Variants in CNBD1 observed in about 807,000 individuals in gnomAD.
The protein encoded by CNBD1 is cyclic nucleotide-binding domain-containing protein 1.
CNBD1 carries 71 observed loss-of-function variants against 54.4 expected under a neutral mutation model. That is an observed-to-expected ratio of 1.30 (90% CI 1.08 to 1.59). The LOEUF is 1.59. Among genes scored for constraint, CNBD1 ranks in the 40% most tolerant of loss-of-function variants. The pLI is 0.00. For missense variants in CNBD1, 659 were observed against 518.0 expected, an observed-to-expected ratio of 1.27 and a Z score of -2.64; for synonymous variants, 182 against 170.7, an observed-to-expected ratio of 1.07 and a Z score of -0.51.
chr8:86,875,014 ATATATATG>A (rs1208553372), intron 1 of CNBD1, among the ~76,000 whole-genome samples: 2 of 109,032 alleles, frequency 1.8e-5, no homozygotes, highest in African/African-American at 3.0e-5. Context: ...ATATATATAT[ATATATATG>A]TATTAAAAAT....
At chr8:87,424,172 C>G (rs1193094073) in intron 2 of CNBD1, among the ~76,000 whole-genome samples, 1 of 151,390 alleles carries the variant, frequency 6.6e-6, no homozygotes, top group Non-Finnish European at 1.5e-5. Flanking sequence ...TCCCTTTTTT[C>G]TTTATTAGTC....
At chr8:87,053,507 C>T (rs1810353467) in intron 4 of CNBD1, among the ~76,000 whole-genome samples, 1 of 152,152 alleles carries the variant, frequency 6.6e-6, no homozygotes, top group Non-Finnish European at 1.5e-5. Flanking sequence ...TTTGGAGTGA[C>T]CCAGCATGGA....
chr8:86,968,354 A>C (rs988032677), intron 4 of CNBD1, among the ~76,000 whole-genome samples: 1 of 152,156 alleles, frequency 6.6e-6, no homozygotes, highest in Non-Finnish European at 1.5e-5. Flanking sequence ...AATTGCCCCC[A>C]CCCTTGCTCA....
At chr8:87,179,657 T>A (rs1813269605) in intron 4 of CNBD1, among the ~76,000 whole-genome samples, 1 of 152,190 alleles carries the variant, frequency 6.6e-6, no homozygotes. Context: ...AAGGGTTTTA[T>A]TAAAGTTTAA....
chr8:87,424,280 T>C (rs1417957521), intron 2 of CNBD1, among the ~76,000 whole-genome samples: 1 of 152,014 alleles, frequency 6.6e-6, no homozygotes, highest in Non-Finnish European at 1.5e-5. Flanking sequence ...TTTCCTTCAG[T>C]TCTGCTCTGA....
intron 8 of CNBD1, among the ~76,000 whole-genome samples, chr8:87,346,277 G>A (rs1810175035): frequency 6.6e-6 from 1 of 152,004 alleles, no homozygotes; most frequent in Non-Finnish European, 1.5e-5. Context: ...CCGACCTCCA[G>A]GTGATCCGCC....
At chr8:87,122,763 A>T (rs1203306284) in intron 4 of CNBD1, among the ~76,000 whole-genome samples, 2 of 151,826 alleles carry the variant, frequency 1.3e-5, no homozygotes, top group South Asian at 2.1e-4. Context: ...GTCCAATTTC[A>T]TTCCTTTGCA....
At chr8:87,389,948 T>G (rs944182816) in intron 2 of CNBD1, among the ~76,000 whole-genome samples, 1 of 151,974 alleles carries the variant, frequency 6.6e-6, no homozygotes, top group African/African-American at 2.4e-5. Context: ...ATGCCACATA[T>G]CTACAACAAT....
chr8:87,309,012 T>C (rs1319301494), intron 8 of CNBD1, among the ~76,000 whole-genome samples: 1 of 152,162 alleles, frequency 6.6e-6, no homozygotes, highest in African/African-American at 2.4e-5. Flanking sequence ...TTACATAGAT[T>C]CCATAACTTG....
intron 2 of CNBD1, among the ~76,000 whole-genome samples, chr8:87,418,004 A>G (rs921270869): frequency 1.3e-5 from 2 of 151,980 alleles, no homozygotes; most frequent in South Asian, 2.1e-4. Flanking sequence ...ATTTGCCATA[A>G]TTCCTATTAA....
chr8:86,883,145 A>G (rs1808628824), intron 1 of CNBD1, among the ~76,000 whole-genome samples: 1 of 151,952 alleles, frequency 6.6e-6, no homozygotes, highest in African/African-American at 2.4e-5. Flanking sequence ...TATATAACAA[A>G]ACTGCACAAC....
At chr8:87,084,104 A>C (rs1811052546) in intron 4 of CNBD1, among the ~76,000 whole-genome samples, 1 of 152,190 alleles carries the variant, frequency 6.6e-6, no homozygotes, top group South Asian at 2.1e-4. Flanking sequence ...GGATTACAAC[A>C]GTATATTTCC....
chr8:86,994,103 G>T (rs535131129), intron 4 of CNBD1, among the ~76,000 whole-genome samples: 4 of 152,174 alleles, frequency 2.6e-5, no homozygotes, highest in Non-Finnish European at 5.9e-5. Context: ...TACTCTGACA[G>T]TGGAGGCTCC....
intron 8 of CNBD1, among the ~76,000 whole-genome samples, chr8:87,321,316 T>G (rs1809522757): frequency 6.6e-6 from 1 of 152,232 alleles, no homozygotes; most frequent in African/African-American, 2.4e-5. Flanking sequence ...GAGTTTCAAT[T>G]TCAACATGTC....
intron 1 of CNBD1, among the ~76,000 whole-genome samples, chr8:86,882,196 G>A (rs1198595210): frequency 6.6e-6 from 1 of 152,166 alleles, no homozygotes; most frequent in Non-Finnish European, 1.5e-5. Flanking sequence ...TTAAACTAGA[G>A]TTTCTTCACA....
intron 6 of CNBD1, among the ~76,000 whole-genome samples, chr8:87,283,791 C>T (rs957408558): frequency 6.6e-6 from 1 of 152,056 alleles, no homozygotes; most frequent in African/African-American, 2.4e-5. Flanking sequence ...CTCTGAGTCC[C>T]ATCTCCTGTT....
intron 4 of CNBD1, among the ~76,000 whole-genome samples, chr8:87,043,414 T>G (rs1223052785): frequency 6.6e-6 from 1 of 152,232 alleles, no homozygotes; most frequent in Admixed American, 6.5e-5. Context: ...TCTCCTTATA[T>G]TTTGCTATGT....
At position 87,166,939 on chromosome 8, in the gene CNBD1, C is replaced by T. The variant is rs1188540042; in HGVS notation, c.432-39054C>T. On this transcript the variant is annotated intron_variant, in intron 4 of 10. Coordinates refer to ENST00000518476, the MANE Select transcript of CNBD1 (RefSeq NM_173538.3). This position sits in a 1 kb window ranked among gnomAD's most constrained non-coding sequence, Gnocchi z 4.3. The stretch of plus-strand genomic sequence containing the variant: ...CCTATGCTCATTCTGTCATTTTGAA[C>T]AGTTCTCAAAGTTATTGCTGAAGCT... 6.6e-6 allele frequency among the ~76,000 whole-genome samples: 1 copy of T among 151,858 alleles called. No individual in the cohort carries two copies. Among genetic ancestry groups the T allele is most frequent in the Non-Finnish European group, 1.5e-5 (1 of 67,906 alleles).
chr8:87,032,791 C>A (rs1195671527), intron 4 of CNBD1, among the ~76,000 whole-genome samples: 1 of 152,184 alleles, frequency 6.6e-6, no homozygotes. Context: ...TTGAGTAAAT[C>A]AGACTCCTTC....
Sources: allele counts gnomAD v4.1 joint callset (sites outside exome capture counted in the v4.1 genomes callset), GRCh38; gene constraint gnomAD v4.1.1; non-coding constraint Gnocchi (gnomAD v3.1); transcripts MANE v1.5; gene names NCBI Gene and HGNC (gene_info 2026-07-23, HGNC 2026-07-21).